The following ADAMTSL3 variants were observed in gnomAD, a reference collection of about 807,000 sequenced individuals.
ADAMTSL3 encodes ADAMTS-like protein 3.
Under a neutral mutation model 201.7 loss-of-function variants are expected in ADAMTSL3, and 128 were observed. The observed-to-expected ratio is 0.63, with a 90% CI of 0.55 to 0.73. ADAMTSL3 has a LOEUF of 0.73. Among genes scored for constraint, ADAMTSL3 ranks in the 30% least tolerant of loss-of-function variants. The pLI, the probability that ADAMTSL3 is intolerant of heterozygous loss-of-function variation, is 0.00. For missense variants in ADAMTSL3, 1,990 were observed against 2,119.6 expected, an observed-to-expected ratio of 0.94 and a Z score of 1.20; for synonymous variants, 738 against 748.4, an observed-to-expected ratio of 0.99 and a Z score of 0.23.
chr15:83,759,472 G>A (rs1367328198), intron 3 of ADAMTSL3, among the ~76,000 whole-genome samples: 1 of 152,184 alleles, frequency 6.6e-6, no homozygotes, highest in African/African-American at 2.4e-5. Flanking sequence ...TGATCCGCCT[G>A]CCTTGGCCTC....
chr15:83,829,726 G>A lies in ADAMTSL3; in HGVS notation c.601-8363G>A, dbSNP rs567487579. ...TGTCCCAGAGATTCTGGTATGTTGT[G>A]TCTTTGTTCTCATAGGTTTCAAAGA... is the stretch of plus-strand genomic sequence containing the variant. On this transcript the variant is annotated intron_variant, in intron 6 of 29. Coordinates refer to ENST00000286744, the MANE Select transcript of ADAMTSL3 (RefSeq NM_207517.3). 2.6e-3 allele frequency among the ~76,000 whole-genome samples: 391 copies of A among 152,250 alleles called. 3 individuals are homozygous for A. The highest frequency in any genetic ancestry group is 9.0e-3 in the African/African-American group (375 of 41,526).
intron 9 of ADAMTSL3, among the ~76,000 whole-genome samples, chr15:83,881,827 C>A (rs2065277392): frequency 6.6e-6 from 1 of 150,660 alleles, no homozygotes; most frequent in Admixed American, 6.7e-5. Flanking sequence ...TGTTCTCCAG[C>A]CTGAGTAACA....
At chr15:83,673,978 G>A (rs951888766) in intron 2 of ADAMTSL3, among the ~76,000 whole-genome samples, 4 of 151,024 alleles carry the variant, frequency 2.6e-5, no homozygotes, top group African/African-American at 9.7e-5. Flanking sequence ...GAAATGTGTG[G>A]TTTGTAAATA....
chr15:83,920,330 G>A (rs531198536), intron 16 of ADAMTSL3, among the ~76,000 whole-genome samples: 35 of 152,130 alleles, frequency 2.3e-4, no homozygotes, highest in Non-Finnish European at 4.1e-4. Flanking sequence ...TGACATAATT[G>A]GTCACTTCCG....
rs2061051252 is a variant in ADAMTSL3 at position 83,654,651 on chromosome 15, C to G, written c.-34+375C>G. ...GGTTGACCACTGGGTAGCGAGCGCC[C>G]AGAACGCCGGGGGTTGAGGCGACGC... is the stretch of plus-strand genomic sequence containing the variant. On this transcript the variant is annotated intron_variant, in intron 1 of 29. Coordinates refer to ENST00000286744, the MANE Select transcript of ADAMTSL3 (RefSeq NM_207517.3). This position sits in a 1 kb window ranked among gnomAD's most constrained non-coding sequence, Gnocchi z 5.3. Among the ~76,000 whole-genome samples, 1 of 152,076 alleles carries G rather than the reference C, an allele frequency of 6.6e-6. No homozygotes were observed. The highest frequency in any genetic ancestry group is 2.4e-5 in the African/African-American group (1 of 41,408).
chr15:83,948,047 C>A (rs1033635804), intron 19 of ADAMTSL3, among the ~76,000 whole-genome samples: 1 of 152,188 alleles, frequency 6.6e-6, no homozygotes, highest in Non-Finnish European at 1.5e-5. Flanking sequence ...AACTCTTGAA[C>A]TATTAATATA....
At chr15:83,786,602 T>TA (rs775323655) in intron 4 of ADAMTSL3, among the ~76,000 whole-genome samples, 3 of 152,212 alleles carry the variant, frequency 2.0e-5, no homozygotes, top group Non-Finnish European at 2.9e-5. Flanking sequence ...TAAATACTGC[T>TA]ATGGCATTAT....
chr15:84,000,077 A>G lies in ADAMTSL3; in HGVS notation c.3973+8863A>G, dbSNP rs865970160. On this transcript the variant is annotated intron_variant, in intron 23 of 29. Transcript: ENST00000286744. ...CTTTGGCCAAAAAAAAAAAAGAACTATCTCTCCAGAAAAATGTATTTACCC... is the reference window on the plus strand; with the variant it reads ...CTTTGGCCAAAAAAAAAAAAGAACTGTCTCTCCAGAAAAATGTATTTACCC... Among the ~76,000 whole-genome samples the G allele has an allele frequency of 4.6e-5, 7 of 151,622 alleles. No homozygotes were observed. The East Asian group carries it at 9.7e-4, about 21-fold the overall frequency.
intron 2 of ADAMTSL3, among the ~76,000 whole-genome samples, chr15:83,670,214 C>T (rs1483716548): frequency 2.4e-5 from 3 of 127,618 alleles, no homozygotes; most frequent in East Asian, 2.5e-4. Flanking sequence ...GCTGAGATTG[C>T]GCCACTGCAC....
At chr15:83,789,886 C>G (rs1445959026) in intron 4 of ADAMTSL3, among the ~76,000 whole-genome samples, 2 of 152,100 alleles carry the variant, frequency 1.3e-5, no homozygotes, top group African/African-American at 4.8e-5. Context: ...TTGACCCCAA[C>G]TTTATCCTGC....
At chr15:83,917,417 G>GTGTGTGTATGTATGTATGTATGTA (rs9329362) in intron 16 of ADAMTSL3, among the ~76,000 whole-genome samples, 6 of 146,532 alleles carry the variant, frequency 4.1e-5, no homozygotes, top group Admixed American at 6.9e-5. Flanking sequence ...TCCAAAGTGT[G>GTGTGTGTATGTATGTATGTATGTA]TGTATGTATG....
At chr15:83,718,599 A>C (rs2062051791) in intron 3 of ADAMTSL3, among the ~76,000 whole-genome samples, 2 of 151,606 alleles carry the variant, frequency 1.3e-5, no homozygotes. Flanking sequence ...CCAGCTACAC[A>C]AGAACTGCTT....
Position 84,021,406 on chromosome 15 carries a change from G to T in ADAMTSL3, c.4274-4G>T, listed in dbSNP as rs891670515. The T allele has an allele frequency of 6.2e-7, 1 of 1,613,908 alleles. No individual in the cohort carries two copies. The highest frequency in any genetic ancestry group is 1.7e-5 in the Admixed American group (1 of 59,992). On this transcript the variant is annotated splice_region_variant and splice_polypyrimidine_tract_variant and intron_variant, in intron 25 of 29. Coordinates refer to ENST00000286744, the MANE Select transcript of ADAMTSL3 (RefSeq NM_207517.3). ...TGGCATGATATTTTGTTTTCTTTCT[G>T]CAGAGCCTTTTTGGGAGCCTGGTAA...
chr15:83,782,489 A>G (rs2063187638), intron 4 of ADAMTSL3, among the ~76,000 whole-genome samples: 1 of 152,162 alleles, frequency 6.6e-6, no homozygotes, highest in African/African-American at 2.4e-5. Context: ...CAAAAAACAA[A>G]TTGTAAACTG....
intron 19 of ADAMTSL3, among the ~76,000 whole-genome samples, chr15:83,964,909 A>T (rs2067049707): frequency 6.6e-6 from 1 of 152,208 alleles, no homozygotes; most frequent in Admixed American, 6.5e-5. Flanking sequence ...AGAATTTCAT[A>T]TCCAGCCAAC....
chr15:83,795,844 C>T (rs1349711932), intron 4 of ADAMTSL3, among the ~76,000 whole-genome samples: 3 of 152,136 alleles, frequency 2.0e-5, no homozygotes, highest in South Asian at 4.2e-4. Context: ...GGCCACCAAC[C>T]GGCTGCATAG....
intron 6 of ADAMTSL3, among the ~76,000 whole-genome samples, chr15:83,829,255 G>C (rs1247388535): frequency 6.6e-6 from 1 of 152,164 alleles, no homozygotes; most frequent in Non-Finnish European, 1.5e-5. Context: ...TTAGTCTTGG[G>C]AGGGTGTATG....
intron 4 of ADAMTSL3, among the ~76,000 whole-genome samples, chr15:83,797,178 T>G (rs954591588): frequency 6.6e-6 from 1 of 152,076 alleles, no homozygotes; most frequent in African/African-American, 2.4e-5. Flanking sequence ...TTAAGTAACT[T>G]TTACTTACCA....
intron 18 of ADAMTSL3, 32 bp from the exon 19 acceptor site, chr15:83,942,871 G>C (rs961738308): frequency 6.2e-7 from 1 of 1,606,718 alleles, no homozygotes; most frequent in Non-Finnish European, 8.5e-7. Context: ...AGTGGGCCAA[G>C]CCTGCCGCCT....
Sources: gnomAD v4.1 joint callset for allele counts (sites outside exome capture counted in the v4.1 genomes callset) on GRCh38, gnomAD v4.1.1 for gene constraint, Gnocchi (gnomAD v3.1) non-coding constraint, MANE v1.5 for transcripts, NCBI Gene and HGNC (gene_info 2026-07-23, HGNC 2026-07-21) for gene names.